The following RNF150 variants were observed in gnomAD, a reference collection of about 807,000 sequenced individuals.
RNF150 encodes ring finger protein 150.
RNF150 carries 24 observed loss-of-function variants against 39.3 expected under a neutral mutation model. That is an observed-to-expected ratio of 0.61 (90% CI 0.44 to 0.86). The LOEUF (loss-of-function observed/expected upper bound fraction) is 0.86. Among genes scored for constraint, RNF150 ranks in the 40% least tolerant of loss-of-function variants. The pLI, the probability that RNF150 is intolerant of heterozygous loss-of-function variation, is 0.00. For missense variants in RNF150, 502 were observed against 587.8 expected (o/e 0.85, Z 1.51); for synonymous variants, 255 against 227.3 (o/e 1.12, Z -1.10).
chr4:140,964,045 A>T (rs1733141942), intron 2 of RNF150, among the ~76,000 whole-genome samples: 1 of 152,146 alleles, frequency 6.6e-6, no homozygotes, highest in Non-Finnish European at 1.5e-5. Flanking sequence ...AACCATGATT[A>T]CTTTAGTTTA....
At chr4:141,151,694 T>A (rs530239346) in intron 1 of RNF150, among the ~76,000 whole-genome samples, 16 of 152,252 alleles carry the variant, frequency 1.1e-4, no homozygotes, top group Admixed American at 3.3e-4. Context: ...GGGAGATTTT[T>A]AAAAAAATAT....
At chr4:141,172,263 C>G (rs918203184) in intron 1 of RNF150, among the ~76,000 whole-genome samples, 5 of 152,094 alleles carry the variant, frequency 3.3e-5, no homozygotes, top group African/African-American at 7.2e-5. Context: ...TGCAAGAGGG[C>G]AAACAGAACT....
At chr4:141,017,587 T>C (rs1361614091) in intron 1 of RNF150, among the ~76,000 whole-genome samples, 2 of 152,198 alleles carry the variant, frequency 1.3e-5, no homozygotes, top group African/African-American at 2.4e-5. Flanking sequence ...TATAATGACA[T>C]ATATTTACCA....
chr4:141,081,605 T>C (rs1480249579), intron 1 of RNF150, among the ~76,000 whole-genome samples: 1 of 152,170 alleles, frequency 6.6e-6, no homozygotes, highest in Non-Finnish European at 1.5e-5. Context: ...GTTAAAGGAA[T>C]ATAAAAATAT....
At chr4:141,053,714 C>T in intron 1 of RNF150, 2 of 1,413,206 alleles carry the variant, frequency 1.4e-6, no homozygotes, top group East Asian at 2.9e-5. Context: ...AGGGGCTGGG[C>T]ATGAGAAGAC....
chr4:141,024,371 C>T (rs1044664229), intron 1 of RNF150, among the ~76,000 whole-genome samples: 3 of 152,114 alleles, frequency 2.0e-5, no homozygotes, highest in South Asian at 2.1e-4. Flanking sequence ...TCCACTGAGG[C>T]TTGAGTTCCA....
intron 1 of RNF150, among the ~76,000 whole-genome samples, chr4:141,092,601 TAGAACAAAG>T (rs770869666): frequency 9.9e-5 from 15 of 152,050 alleles, no homozygotes; most frequent in Non-Finnish European, 2.2e-4. Flanking sequence ...CTGAGGTGGT[TAGAACAAAG>T]ATTATATTTC....
At chr4:141,169,024 A>G (rs1277367816) in intron 1 of RNF150, among the ~76,000 whole-genome samples, 1 of 152,128 alleles carries the variant, frequency 6.6e-6, no homozygotes, top group Non-Finnish European at 1.5e-5. Context: ...TGAAATTTGG[A>G]GGGGCCAGGG....
intron 1 of RNF150, among the ~76,000 whole-genome samples, chr4:141,210,008 T>G (rs1246209340): frequency 6.6e-6 from 1 of 151,820 alleles, no homozygotes; most frequent in Non-Finnish European, 1.5e-5. Context: ...AAATAAGATA[T>G]AAAGAGATAG....
intron 1 of RNF150, among the ~76,000 whole-genome samples, chr4:141,101,054 G>A (rs1738991093): frequency 6.6e-6 from 1 of 152,066 alleles, no homozygotes; most frequent in Admixed American, 6.5e-5. Context: ...CACTATTGCA[G>A]GCTTTATAAA....
At chr4:141,113,811 C>T (rs890338581) in intron 1 of RNF150, among the ~76,000 whole-genome samples, 1 of 152,226 alleles carries the variant, frequency 6.6e-6, no homozygotes, top group East Asian at 1.9e-4. Flanking sequence ...GAAACCATAA[C>T]AAACTGTCTC....
At chr4:141,002,998 T>C (rs56163030) in intron 1 of RNF150, among the ~76,000 whole-genome samples, 11,524 of 152,144 alleles carry the variant, frequency 0.076, 488 homozygotes, top group Middle Eastern at 0.16. Flanking sequence ...GCTTAAAATA[T>C]ATTTGCTGAA....
chr4:141,104,316 C>CAATTGCTT (rs111975749), intron 1 of RNF150, among the ~76,000 whole-genome samples: 33 of 152,280 alleles, frequency 2.2e-4, no homozygotes, highest in African/African-American at 7.7e-4. Context: ...GCCATCTTCG[C>CAATTGCTT]AATTGCTTAC....
intron 1 of RNF150, among the ~76,000 whole-genome samples, chr4:141,209,000 A>C (rs1728419507): frequency 6.6e-6 from 1 of 152,186 alleles, no homozygotes; most frequent in South Asian, 2.1e-4. Flanking sequence ...AGTTTGAATA[A>C]TTAACTGGTT....
chr4:140,911,026 A>T, intron 6 of RNF150, 118 bp downstream of exon 6: 1 of 797,924 alleles, frequency 1.3e-6, no homozygotes, highest in Non-Finnish European at 2.0e-6. Context: ...TAACTGATGA[A>T]CCTAGCAATG....
Position 140,875,495 on chromosome 4 carries a change from G to C in RNF150, c.1199-7116C>G, listed in dbSNP as rs143787125. Among the ~76,000 whole-genome samples, 374 of 152,240 alleles carry C rather than the reference G, an allele frequency of 2.5e-3. 2 individuals carry two copies. The highest frequency in any genetic ancestry group is 8.6e-3 in the African/African-American group (356 of 41,540). On this transcript the variant is annotated intron_variant, in intron 6 of 6. Coordinates refer to ENST00000515673, the MANE Select transcript of RNF150 (RefSeq NM_020724.2). ...CTGGCCCATAATCTGTTCTTGAGTT[G>C]AGATTCTTAACTTAAGGATTAGTGA...
chr4:141,105,469 G>T (rs769796794), intron 1 of RNF150, among the ~76,000 whole-genome samples: 6 of 152,032 alleles, frequency 3.9e-5, no homozygotes, highest in Non-Finnish European at 8.8e-5. Flanking sequence ...ACTTGTTTTA[G>T]CTTTCCTCTA....
In RNF150 at chr4:141,177,136, G is replaced by A. The variant is rs530518731; in HGVS notation, c.-6+35658C>T. Among the ~76,000 whole-genome samples the A allele has an allele frequency of 2.0e-5, 3 of 152,108 alleles. No individual in the cohort carries two copies. In the South Asian group the frequency reaches 6.3e-4, roughly 32 times the overall value. Reference sequence around the variant, plus strand: ...AGTCCTAGCTGCTCAGTAGGCTGAGGTGGGAGAATCCCTTGAGCCCAGGCG... The same window carrying A: ...AGTCCTAGCTGCTCAGTAGGCTGAGATGGGAGAATCCCTTGAGCCCAGGCG... On this transcript the variant is annotated intron_variant, in intron 1 of 7. Coordinates refer to the RNF150 transcript ENST00000420921.
At chr4:141,209,757 G>T (rs894615454) in intron 1 of RNF150, among the ~76,000 whole-genome samples, 1 of 152,070 alleles carries the variant, frequency 6.6e-6, no homozygotes, top group Non-Finnish European at 1.5e-5. Flanking sequence ...CCCAAAATGG[G>T]GGGGTATCTA....
Sources: allele counts gnomAD v4.1 joint callset (sites outside exome capture counted in the v4.1 genomes callset), GRCh38; gene constraint gnomAD v4.1.1; transcripts MANE v1.5; gene names NCBI Gene and HGNC (gene_info 2026-07-23, HGNC 2026-07-21).